Variants in STRN4 observed in about 807,000 individuals in gnomAD.
STRN4 encodes striatin-4.
Under a neutral mutation model 77.9 loss-of-function variants are expected in STRN4, and 27 were observed. That is an observed-to-expected ratio of 0.35 (90% CI 0.26 to 0.48). STRN4 has a LOEUF of 0.48. Ranked by LOEUF, STRN4 falls within the 20% of genes least tolerant of loss-of-function variation. STRN4 has a pLI of 0.99. For missense variants in STRN4, 798 were observed against 1,049.7 expected (o/e 0.76, Z 3.31); for synonymous variants, 466 against 443.1 (o/e 1.05, Z -0.65).
intron 4 of STRN4, among the ~76,000 whole-genome samples, chr19:46,735,235 G>A (rs1440745580): frequency 6.6e-6 from 1 of 152,112 alleles, no homozygotes; most frequent in Non-Finnish European, 1.5e-5. Flanking sequence ...GAACCCGGGA[G>A]GCAGAGGTTG....
At chr19:46,737,234 CTGAG>C (rs2054384710) in intron 3 of STRN4, among the ~76,000 whole-genome samples, 2 of 152,242 alleles carry the variant, frequency 1.3e-5, no homozygotes, top group Non-Finnish European at 2.9e-5. Flanking sequence ...CTGTGTGACC[CTGAG>C]TTAGTGTAAG....
intron 5 of STRN4, chr19:46,732,805 C>T (rs760631388): frequency 1.5e-5 from 8 of 539,522 alleles, no homozygotes; most frequent in South Asian, 4.7e-5. Flanking sequence ...AGTATCAGGA[C>T]GGGGGCAGGG....
At position 46,746,291 on chromosome 19, in the gene STRN4, C is replaced by G; in HGVS notation, c.140G>C (p.Gly47Ala). Reference protein sequence around the residue: ...PAPGPGPAGKGGGGGGSPGPT... With the variant: ...PAPGPGPAGKAGGGGGSPGPT... ...CCCGGGGCTGCCTCCGCCGCCGCCT[C>G]CCTTACCTGCCGGGCCCGGCCCGGG... is the stretch of plus-strand genomic sequence containing the variant. Residue 47 changes from glycine (G) to alanine (A), a missense_variant, in exon 1 of 18, where the codon GGA becomes GCA. Physicochemically the swap from Gly to Ala is moderately conservative, Grantham distance 60 (BLOSUM62 0). Around this residue, in one of 2 missense-constraint regions of STRN4, gnomAD observed 511 missense variants for 575.9 expected, o/e 0.89. Transcript: ENST00000263280. 7.0e-7 allele frequency: 1 copy of G among 1,419,324 alleles called. No individual in the cohort carries two copies. The highest frequency in any genetic ancestry group is 3.2e-5 in the East Asian group (1 of 31,660). 87.9% of individuals were successfully genotyped at this position (1,419,324 alleles called of 1,614,324 possible).
Position 46,736,990 on chromosome 19 carries a change from A to C in STRN4, c.461-89T>G, listed in dbSNP as rs1335246919. On this transcript the variant is annotated intron_variant, in intron 3 of 17. Transcript: ENST00000263280. ...CCATCTTCCTCACCCCTCCAACCCA[A>C]ATCGGTCACTGTCGCAGGTCCTGTG... The C allele has an allele frequency of 1.7e-5, 22 of 1,326,712 alleles. No individual in the cohort carries two copies. The Admixed American group carries it at 2.2e-4, about 13-fold the overall frequency. 82.2% of individuals were successfully genotyped at this position (1,326,712 alleles called of 1,614,324 possible). A position where few individuals can be genotyped will look rare whatever the true frequency, so the allele number is the denominator to read the frequency against.
At position 46,727,985 on chromosome 19, in the gene STRN4, T is replaced by A; in HGVS notation, c.1062A>T (p.Gln354His). ...HELESRRVKL[Q>H]GILADLRDVD... ...CATCCCGCAGGTCAGCCAGAATGCC[T>A]TGGAGTTTGACCCGACGGCTTTCTG... The change falls in exon 8 of 18, where the codon CAA (glutamine) becomes CAT (histidine). Residue 354 changes from glutamine (Q) to histidine (H), a missense_variant. This residue lies in a region of STRN4 where 511 missense variants were observed against 575.9 expected (regional missense o/e 0.89). Transcript: ENST00000263280. 7.4e-6 allele frequency: 12 copies of A among 1,614,014 alleles called. No homozygotes were observed. The highest frequency in any genetic ancestry group is 1.0e-5 in the Non-Finnish European group (12 of 1,179,952).
At chr19:46,734,453 A>G (rs1360713436) in intron 4 of STRN4, among the ~76,000 whole-genome samples, 1 of 152,202 alleles carries the variant, frequency 6.6e-6, no homozygotes, top group Non-Finnish European at 1.5e-5. Flanking sequence ...ATATGCACAA[A>G]TACCTTCCTG....
At chr19:46,746,043 G>GGCGGCC in intron 1 of STRN4, 106 bp downstream of exon 1, 1 of 1,161,900 alleles carries the variant, frequency 8.6e-7, no homozygotes, top group Non-Finnish European at 1.1e-6. Context: ...CCCCCCGCCG[G>GGCGGCC]CCGTCCCGGC....
At chr19:46,730,960 C>T in intron 5 of STRN4, 87 bp from the exon 6 acceptor site, 1 of 1,567,912 alleles carries the variant, frequency 6.4e-7, no homozygotes. Flanking sequence ...GCTTGGTGGC[C>T]AGAGCCCAGA....
intron 9 of STRN4, chr19:46,725,894 TC>T: frequency 1.9e-6 from 1 of 537,212 alleles, no homozygotes; most frequent in Non-Finnish European, 3.3e-6. Context: ...CCCCTTGGGG[TC>T]TTGCAGTTGA....
In STRN4 at chr19:46,738,191, C is replaced by G. The variant is rs746531803; in HGVS notation, c.433G>C (p.Glu145Gln). Residue 145 changes from glutamate (E) to glutamine (Q), a missense_variant, in exon 3 of 18, where the codon GAG (glutamate) becomes CAG (glutamine). Physicochemically the swap from Glu to Gln is conservative, Grantham distance 29. Around this residue, in one of 2 missense-constraint regions of STRN4, gnomAD observed 511 missense variants for 575.9 expected, o/e 0.89. Coordinates refer to ENST00000263280, the MANE Select transcript of STRN4 (RefSeq NM_013403.3). The surrounding 1 kb of genome is among the most constrained non-coding windows in gnomAD (Gnocchi z 4.5). ...LKFGTDLNQGEKKADVSEQVS... is the reference protein window; with the variant it reads ...LKFGTDLNQGQKKADVSEQVS... ...TGTTCTGACACATCTGCTTTCTTCT[C>G]CCCCTGGTTCAGGTCTGTCCCAAAC... The G allele has an allele frequency of 5.8e-5, 94 of 1,614,056 alleles. No individual in the cohort carries two copies. The highest frequency in any genetic ancestry group is 7.9e-5 in the Non-Finnish European group (93 of 1,180,022).
Position 46,720,933 on chromosome 19 carries a change from G to A in STRN4, c.2093-162C>T, listed in dbSNP as rs547983697. ...CACCTCCTGTGGCCCGCCCAAAGGA[G>A]AACCCTGGTCCCCTCCTGTCCACAG... On this transcript the variant is annotated intron_variant, in intron 16 of 17. Coordinates refer to ENST00000263280, the MANE Select transcript of STRN4 (RefSeq NM_013403.3). 1.5e-5 allele frequency: 11 copies of A among 746,354 alleles called. No homozygotes were observed. The South Asian group carries it at 2.4e-4, about 16-fold the overall frequency. 46.2% of individuals were successfully genotyped at this position (746,354 alleles called of 1,614,324 possible). A position where few individuals can be genotyped will look rare whatever the true frequency, so the allele number is the denominator to read the frequency against.
chr19:46,727,361 G>T lies in STRN4; in HGVS notation c.1248+91C>A. The T allele has an allele frequency of 2.7e-6, 3 of 1,100,508 alleles. No individual in the cohort carries two copies. In the South Asian group the frequency reaches 4.2e-5, roughly 16 times the overall value. The allele number at this position is 1,100,508 out of a possible 1,614,324, so 68.2% of individuals were successfully genotyped here. A position where few individuals can be genotyped will look rare whatever the true frequency, so the allele number is the denominator to read the frequency against. ...ACCCCTCTGTGAAACAGGATGAGCA[G>T]GGCACGGGCGGCACCCAGTCAGAGC... On this transcript the variant is annotated intron_variant, in intron 9 of 17. Transcript: ENST00000263280.
Position 46,733,888 on chromosome 19 carries a change from A to C in STRN4, c.540-652T>G, listed in dbSNP as rs2054305893. ...AGCTGGGACTGGACTAAAAGTAAAA[A>C]AAGAAGAAGGAAAAAAGAACAAAAA... On this transcript the variant is annotated intron_variant, in intron 4 of 17. Coordinates refer to ENST00000263280, the MANE Select transcript of STRN4 (RefSeq NM_013403.3). The surrounding 1 kb of genome is among the most constrained non-coding windows in gnomAD (Gnocchi z 4.3). 1 of 152,206 alleles carries C rather than the reference A, an allele frequency of 6.6e-6. No individual in the cohort carries two copies. The highest frequency in any genetic ancestry group is 6.5e-5 in the Admixed American group (1 of 15,276). 9.4% of individuals were successfully genotyped at this position (152,206 alleles called of 1,614,324 possible).
intron 12 of STRN4, among the ~76,000 whole-genome samples, chr19:46,724,443 C>G (rs558195550): frequency 6.6e-6 from 1 of 152,184 alleles, no homozygotes; most frequent in Non-Finnish European, 1.5e-5. Context: ...CACGCAGAGA[C>G]CCTGGCGGAT....
chr19:46,727,840 C>A, intron 8 of STRN4, 54 bp downstream of exon 8: 1 of 1,471,028 alleles, frequency 6.8e-7, no homozygotes. Context: ...AGCTCTGCAG[C>A]CTCCCTCTGC....
Position 46,723,372 on chromosome 19 carries a change from A to T in STRN4, c.1595-88T>A. On this transcript the variant is annotated intron_variant, in intron 12 of 17. Transcript: ENST00000263280. This position sits in a 1 kb window ranked among gnomAD's most constrained non-coding sequence, Gnocchi z 5.5. ...CAGAGCCCCAGCTCTGCCAAGCCCC[A>T]GGCAGCTGGGCTCCAATCACCCACG... 1 of 1,441,744 alleles carries T rather than the reference A, an allele frequency of 6.9e-7. No individual in the cohort carries two copies. The highest frequency in any genetic ancestry group is 9.2e-7 in the Non-Finnish European group (1 of 1,091,756). The allele number at this position is 1,441,744 out of a possible 1,614,324, so 89.3% of individuals were successfully genotyped here. A position where few individuals can be genotyped will look rare whatever the true frequency, so the allele number is the denominator to read the frequency against.
Position 46,738,737 on chromosome 19 carries a change from G to T in STRN4, c.386+48C>A. 1 of 1,593,470 alleles carries T rather than the reference G, an allele frequency of 6.3e-7. No individual in the cohort carries two copies. Among genetic ancestry groups the T allele is most frequent in the Non-Finnish European group, 8.6e-7 (1 of 1,161,912 alleles). ...GTGGCTGGTGGCCTCCTGACACTGT[G>T]CTTGAGACGGACCCAGAAGGCAGGC... On this transcript the variant is annotated intron_variant, in intron 2 of 17. Transcript: ENST00000263280. This position sits in a 1 kb window ranked among gnomAD's most constrained non-coding sequence, Gnocchi z 4.5.
At chr19:46,724,202 C>G (rs895982393) in intron 12 of STRN4, among the ~76,000 whole-genome samples, 10 of 139,614 alleles carry the variant, frequency 7.2e-5, no homozygotes, top group African/African-American at 2.7e-4. Context: ...AAGCCAAGAT[C>G]ACGCCACTGC....
intron 7 of STRN4, 51 bp from the exon 8 acceptor site, chr19:46,728,058 C>T (rs1283776849): frequency 6.5e-7 from 1 of 1,547,702 alleles, no homozygotes; most frequent in Non-Finnish European, 8.8e-7. Flanking sequence ...CCAACCCAGT[C>T]TGGCATAGGT....
Sources: gnomAD v4.1 joint callset for allele counts (sites outside exome capture counted in the v4.1 genomes callset) on GRCh38, gnomAD v4.1.1 for gene constraint, gnomAD v4.1.1 regional missense constraint, Gnocchi (gnomAD v3.1) non-coding constraint, MANE v1.5 for transcripts, NCBI Gene and HGNC (gene_info 2026-07-23, HGNC 2026-07-21) for gene names.